The following GALNT1 variants were observed in gnomAD, a reference collection of about 807,000 sequenced individuals.
The protein encoded by GALNT1 is GalNAc transferase 1.
Under a neutral mutation model 65.7 loss-of-function variants are expected in GALNT1, and 17 were observed. The observed-to-expected ratio is 0.26, with a 90% CI of 0.18 to 0.39. The LOEUF (loss-of-function observed/expected upper bound fraction) is 0.39, where lower values mean the gene tolerates loss of function less well. Among genes scored for constraint, GALNT1 ranks in the 10% least tolerant of loss-of-function variants. The pLI, the probability that GALNT1 is intolerant of heterozygous loss-of-function variation, is 1.00. For missense variants in GALNT1, 460 were observed against 672.8 expected, an observed-to-expected ratio of 0.68 and a Z score of 3.50; for synonymous variants, 210 against 219.7, an observed-to-expected ratio of 0.96 and a Z score of 0.39.
intron 11 of GALNT1, 84 bp downstream of exon 11, chr18:35,703,727 C>T (rs1371644207): frequency 2.5e-5 from 33 of 1,321,766 alleles, no homozygotes; most frequent in Non-Finnish European, 3.1e-5. Flanking sequence ...GGAATGAGTT[C>T]TTGTGGACCT....
At chr18:35,606,816 A>C (rs1280388767) in intron 1 of GALNT1, among the ~76,000 whole-genome samples, 1 of 121,338 alleles carries the variant, frequency 8.2e-6, no homozygotes, top group African/African-American at 3.2e-5. Flanking sequence ...CTCTTTGTTG[A>C]TGTTTTGTGT....
At chr18:35,674,293 T>C (rs1279391409) in intron 3 of GALNT1, among the ~76,000 whole-genome samples, 4 of 152,222 alleles carry the variant, frequency 2.6e-5, no homozygotes, top group Admixed American at 2.0e-4. Flanking sequence ...AGTATGTTGA[T>C]GGTGGCTACA....
chr18:35,606,920 A>G (rs2046657668), intron 1 of GALNT1, among the ~76,000 whole-genome samples: 2 of 151,632 alleles, frequency 1.3e-5, no homozygotes. Context: ...TGAGAGACAT[A>G]GTCATAGCAC....
At chr18:35,680,761 G>A (rs1371473880) in intron 4 of GALNT1, among the ~76,000 whole-genome samples, 1 of 152,112 alleles carries the variant, frequency 6.6e-6, no homozygotes, top group Non-Finnish European at 1.5e-5. Context: ...CATGGTAGAG[G>A]AGTATCCAAA....
At chr18:35,689,034 G>A (rs1283570522) in intron 6 of GALNT1, 139 bp from the exon 7 acceptor site, 3 of 659,874 alleles carry the variant, frequency 4.5e-6, no homozygotes, top group Non-Finnish European at 8.2e-6. Flanking sequence ...AAGCCCCTGG[G>A]GCGTATGAAA....
intron 3 of GALNT1, among the ~76,000 whole-genome samples, chr18:35,664,726 A>G (rs142431030): frequency 6.6e-6 from 1 of 152,370 alleles, no homozygotes; most frequent in Non-Finnish European, 1.5e-5. Context: ...AGAGTACCAT[A>G]GGCCCAGTTA....
intron 1 of GALNT1, among the ~76,000 whole-genome samples, chr18:35,595,581 A>G (rs886948846): frequency 1.3e-5 from 2 of 152,214 alleles, no homozygotes; most frequent in African/African-American, 2.4e-5. Flanking sequence ...ACTAAACAGA[A>G]ACATTGTGAA....
chr18:35,633,900 A>T (rs929511517), intron 1 of GALNT1, among the ~76,000 whole-genome samples: 36 of 152,304 alleles, frequency 2.4e-4, no homozygotes, highest in African/African-American at 7.9e-4. Context: ...GATACTTGTT[A>T]TATAGGATTT....
chr18:35,632,061 A>C (rs1221504234), intron 1 of GALNT1, among the ~76,000 whole-genome samples: 1 of 152,232 alleles, frequency 6.6e-6, no homozygotes, highest in Non-Finnish European at 1.5e-5. Flanking sequence ...GATACAAACA[A>C]ATGGAAGAAC....
chr18:35,648,761 A>G (rs2047270284), intron 1 of GALNT1, among the ~76,000 whole-genome samples: 1 of 152,174 alleles, frequency 6.6e-6, no homozygotes, highest in South Asian at 2.1e-4. Context: ...GAATTTATAT[A>G]CAGTAAAATT....
At chr18:35,618,227 G>A (rs927341228) in intron 1 of GALNT1, among the ~76,000 whole-genome samples, 3 of 152,088 alleles carry the variant, frequency 2.0e-5, no homozygotes, top group African/African-American at 7.2e-5. Flanking sequence ...TACATTAAAT[G>A]TAGTCTAAAC....
chr18:35,607,532 A>G (rs1264498375), intron 1 of GALNT1, among the ~76,000 whole-genome samples: 1 of 152,132 alleles, frequency 6.6e-6, no homozygotes, highest in African/African-American at 2.4e-5. Context: ...AACTGAAGCA[A>G]GGAAGAGGTA....
intron 2 of GALNT1, among the ~76,000 whole-genome samples, chr18:35,659,107 A>C (rs1276807347): frequency 6.6e-6 from 1 of 152,050 alleles, no homozygotes; most frequent in African/African-American, 2.4e-5. Context: ...GCAGTATTAC[A>C]CTCCAGAGTG....
intron 1 of GALNT1, among the ~76,000 whole-genome samples, chr18:35,639,229 G>A (rs1402810012): frequency 2.0e-5 from 3 of 152,050 alleles, no homozygotes; most frequent in African/African-American, 7.2e-5. Context: ...CTTCATTTTT[G>A]TCTTATTTTA....
chr18:35,667,519 T>C (rs1332739741), intron 3 of GALNT1, among the ~76,000 whole-genome samples: 1 of 152,236 alleles, frequency 6.6e-6, no homozygotes, highest in African/African-American at 2.4e-5. Context: ...AATGATACTT[T>C]CATATCATAA....
intron 1 of GALNT1, among the ~76,000 whole-genome samples, chr18:35,593,038 G>A (rs1348945381): frequency 6.6e-6 from 1 of 152,148 alleles, no homozygotes; most frequent in Non-Finnish European, 1.5e-5. Flanking sequence ...TTCCTTGAGA[G>A]GAGTTGCAAG....
intron 1 of GALNT1, among the ~76,000 whole-genome samples, chr18:35,602,745 C>T (rs1041397459): frequency 2.0e-5 from 3 of 152,052 alleles, no homozygotes; most frequent in African/African-American, 4.8e-5. Context: ...TGATAAATTT[C>T]TGAATTGTTT....
chr18:35,636,820 A>G (rs2047097265), intron 1 of GALNT1, among the ~76,000 whole-genome samples: 1 of 144,964 alleles, frequency 6.9e-6, no homozygotes, highest in African/African-American at 2.6e-5. Flanking sequence ...AACAAATGGA[A>G]AGTTTGTGGC....
intron 1 of GALNT1, among the ~76,000 whole-genome samples, chr18:35,646,362 A>AG (rs1448990739): frequency 6.6e-6 from 1 of 152,184 alleles, no homozygotes; most frequent in Non-Finnish European, 1.5e-5. Flanking sequence ...AACTATATCA[A>AG]GCATCTTAGC....
Sources: allele counts gnomAD v4.1 joint callset (sites outside exome capture counted in the v4.1 genomes callset), GRCh38; gene constraint gnomAD v4.1.1; transcripts MANE v1.5; gene names NCBI Gene and HGNC (gene_info 2026-07-23, HGNC 2026-07-21).